Variants in SYN3 observed in about 807,000 individuals in gnomAD.
The protein encoded by SYN3 is synapsin-3.
SYN3 carries 35 observed loss-of-function variants against 65.8 expected under a neutral mutation model. The observed-to-expected ratio is 0.53, with a 90% CI of 0.41 to 0.70. SYN3 has a LOEUF of 0.70. Ranked by LOEUF, SYN3 falls within the 30% of genes least tolerant of loss-of-function variation. SYN3 has a pLI of 0.00. For synonymous variants in SYN3, 270 were observed against 292.9 expected (o/e 0.92, Z 0.80); for missense variants, 680 against 749.0 (o/e 0.91, Z 1.08).
intron 4 of SYN3, among the ~76,000 whole-genome samples, chr22:32,896,348 C>T (rs957205498): frequency 1.3e-5 from 2 of 152,174 alleles, no homozygotes; most frequent in East Asian, 1.9e-4. Context: ...CCCAGCTACT[C>T]GGGAGGCTGA....
At chr22:32,785,424 C>T (rs945316205) in intron 6 of SYN3, among the ~76,000 whole-genome samples, 3 of 152,150 alleles carry the variant, frequency 2.0e-5, no homozygotes, top group Non-Finnish European at 4.4e-5. Context: ...GGATCCCCTT[C>T]TCTGAACCTC....
In SYN3 at chr22:32,509,917, A is replaced by G. The variant is rs2057673278; in HGVS notation, c.*3775T>C. ...GTTGGCTATAAACTAGTGTTATGTC[A>G]TGGATCTGGATATATGAGTATGGTT... is the stretch of plus-strand genomic sequence containing the variant. On this transcript the variant is annotated 3_prime_UTR_variant, in exon 14 of 14. Transcript: ENST00000358763. Among the ~76,000 whole-genome samples, 1 of 152,088 alleles carries G rather than the reference A, an allele frequency of 6.6e-6. No individual in the cohort carries two copies. The highest frequency in any genetic ancestry group is 6.5e-5 in the Admixed American group (1 of 15,270).
At chr22:32,567,320 T>TCCCTACCTCCCTC (rs2058684534) in intron 7 of SYN3, among the ~76,000 whole-genome samples, 1 of 121,550 alleles carries the variant, frequency 8.2e-6, no homozygotes, top group Non-Finnish European at 1.7e-5. Flanking sequence ...ATGACGGAGA[T>TCCCTACCTCCCTC]CCTCCCTCCC....
At chr22:32,670,689 C>T (rs1389694679) in intron 6 of SYN3, among the ~76,000 whole-genome samples, 1 of 152,230 alleles carries the variant, frequency 6.6e-6, no homozygotes, top group Non-Finnish European at 1.5e-5. Flanking sequence ...ACTGGCCAAT[C>T]TTGGTTCAGC....
At chr22:32,780,957 CCTTCCTTCCTTCCTTCCTTCCCTCCT>C (rs2046036209) in intron 6 of SYN3, among the ~76,000 whole-genome samples, 1 of 78,122 alleles carries the variant, frequency 1.3e-5, no homozygotes. Flanking sequence ...TTCCTTCCTT[CCTTCCTTCCTTCCTTCCTTCCCTCCT>C]TCCTTCCTCT....
At chr22:32,653,269 A>G (rs1310508500) in intron 6 of SYN3, among the ~76,000 whole-genome samples, 5 of 152,100 alleles carry the variant, frequency 3.3e-5, no homozygotes, top group Admixed American at 6.5e-5. Flanking sequence ...TTAAAAGAAA[A>G]AAAAAAAAAG....
At chr22:32,764,003 T>A (rs971236965) in intron 6 of SYN3, among the ~76,000 whole-genome samples, 93 of 148,384 alleles carry the variant, frequency 6.3e-4, no homozygotes, top group Non-Finnish European at 1.9e-4. Context: ...AATGGCGCAA[T>A]CTCGGCTCAC....
chr22:32,789,089 T>G (rs1602151257), intron 6 of SYN3, among the ~76,000 whole-genome samples: 1 of 152,264 alleles, frequency 6.6e-6, no homozygotes, highest in East Asian at 1.9e-4. Context: ...CCGCCTTCAC[T>G]TTGCCTTAAA....
intron 3 of SYN3, among the ~76,000 whole-genome samples, chr22:32,972,931 C>A (rs1187960091): frequency 1.3e-5 from 2 of 152,038 alleles, no homozygotes; most frequent in African/African-American, 4.8e-5. Flanking sequence ...ATCACTTGAG[C>A]CCAGGAGTTT....
At chr22:32,941,982 A>G (rs1007364073) in intron 3 of SYN3, among the ~76,000 whole-genome samples, 23 of 152,228 alleles carry the variant, frequency 1.5e-4, no homozygotes, top group African/African-American at 5.3e-4. Context: ...CCGCAGCTCA[A>G]GGAGGCCTGC....
chr22:32,836,327 G>T (rs2047728703), intron 6 of SYN3, among the ~76,000 whole-genome samples: 1 of 152,158 alleles, frequency 6.6e-6, no homozygotes, highest in East Asian at 1.9e-4. Flanking sequence ...GCACAGACAC[G>T]ATGTTCATAG....
At chr22:33,051,952 C>G (rs753936525) in intron 1 of SYN3, among the ~76,000 whole-genome samples, 1 of 152,142 alleles carries the variant, frequency 6.6e-6, no homozygotes, top group Non-Finnish European at 1.5e-5. Context: ...AAAGCTACAC[C>G]AAGAACACGC....
At chr22:32,766,699 T>C (rs1457281276) in intron 6 of SYN3, among the ~76,000 whole-genome samples, 2 of 152,132 alleles carry the variant, frequency 1.3e-5, no homozygotes, top group Non-Finnish European at 2.9e-5. Context: ...CTTGATGTTT[T>C]CCCCCAGGTA....
chr22:33,006,671 A>G lies in SYN3; in HGVS notation c.-9T>C, dbSNP rs201869688. On this transcript the variant is annotated 5_prime_UTR_variant, in exon 2 of 14. Transcript: ENST00000358763. ...CGCCGGAGGAAATTCATGGCTGTGG[A>G]TGGATGGAGATGACTGGCTCCTACC... 1 of 1,561,304 alleles carries G rather than the reference A, an allele frequency of 6.4e-7. No individual in the cohort carries two copies. Among genetic ancestry groups the G allele is most frequent in the Non-Finnish European group, 8.7e-7 (1 of 1,153,110 alleles).
chr22:32,882,538 T>G (rs2049169767), intron 4 of SYN3, among the ~76,000 whole-genome samples: 2 of 152,162 alleles, frequency 1.3e-5, no homozygotes, highest in Admixed American at 1.3e-4. Context: ...ATCCTGACAG[T>G]TGCCCTTTGA....
chr22:32,738,458 C>T (rs115741625), intron 6 of SYN3, among the ~76,000 whole-genome samples: 335 of 152,326 alleles, frequency 2.2e-3, no homozygotes, highest in African/African-American at 2.9e-3. Context: ...AAATGCAAAG[C>T]GCCAAGATGA....
At chr22:33,007,913 T>C (rs1279716869) in intron 1 of SYN3, among the ~76,000 whole-genome samples, 1 of 151,582 alleles carries the variant, frequency 6.6e-6, no homozygotes, top group South Asian at 2.1e-4. Context: ...TTAGATTTTA[T>C]ATTTTTTGTT....
At chr22:32,869,966 T>A (rs752838890) in intron 4 of SYN3, among the ~76,000 whole-genome samples, 2 of 152,154 alleles carry the variant, frequency 1.3e-5, no homozygotes, top group Non-Finnish European at 2.9e-5. Flanking sequence ...CAAGTCCACA[T>A]GCTTTTGACT....
chr22:32,857,178 C>T, intron 6 of SYN3: 1 of 1,136,572 alleles, frequency 8.8e-7, no homozygotes, highest in South Asian at 1.2e-5. Flanking sequence ...ACATACCCAG[C>T]AGTGGGATTA....
Sources: gnomAD v4.1 joint callset for allele counts (sites outside exome capture counted in the v4.1 genomes callset) on GRCh38, gnomAD v4.1.1 for gene constraint, MANE v1.5 for transcripts, NCBI Gene and HGNC (gene_info 2026-07-23, HGNC 2026-07-21) for gene names.